The following PDCD10 variants were observed in gnomAD, a reference collection of about 807,000 sequenced individuals.
The protein encoded by PDCD10 is programmed cell death 10.
A neutral mutation model predicts 29.2 loss-of-function variants in PDCD10; 4 were observed. The observed-to-expected ratio is 0.14, with a 90% CI of 0.07 to 0.31. The LOEUF (loss-of-function observed/expected upper bound fraction) is 0.31. Among genes scored for constraint, PDCD10 ranks in the 10% least tolerant of loss-of-function variants. The probability of loss-of-function intolerance (pLI) is 1.00; values close to 1 mark genes in which losing one functional copy is unlikely to be tolerated. For synonymous variants in PDCD10, 70 were observed against 82.2 expected, an observed-to-expected ratio of 0.85 and a Z score of 0.80; for missense variants, 183 against 257.9, an observed-to-expected ratio of 0.71 and a Z score of 1.99.
At chr3:167,687,839 G>T (rs984714966) in intron 6 of PDCD10, 146 bp from the exon 7 acceptor site, 1 of 643,730 alleles carries the variant, frequency 1.6e-6, no homozygotes, top group African/African-American at 1.8e-5. Flanking sequence ...ATCACTTCAA[G>T]AACAGCCAGC....
intron 2 of PDCD10, among the ~76,000 whole-genome samples, chr3:167,727,388 T>G (rs1724304804): frequency 6.6e-6 from 1 of 152,212 alleles, no homozygotes; most frequent in Non-Finnish European, 1.5e-5. Context: ...GTCTAAATTT[T>G]TGGTAAATTC....
At chr3:167,729,463 T>C (rs1229904867) in intron 2 of PDCD10, among the ~76,000 whole-genome samples, 1 of 152,154 alleles carries the variant, frequency 6.6e-6, no homozygotes, top group East Asian at 1.9e-4. Flanking sequence ...AAAAACATGG[T>C]CTCTTGAGTC....
intron 3 of PDCD10, among the ~76,000 whole-genome samples, chr3:167,719,168 G>A (rs1445601121): frequency 6.6e-6 from 1 of 152,076 alleles, no homozygotes; most frequent in Non-Finnish European, 1.5e-5. Flanking sequence ...AAAGAGAGAT[G>A]AAAATTCATT....
Position 167,734,874 on chromosome 3 carries a change from G to C in PDCD10, c.-466C>G, listed in dbSNP as rs1725260770. ...TTCAACTCCCGGATCAATTCACTCCGGCGACGCCGGAAGGACCCAAGAGGA... is the reference window on the plus strand; with the variant it reads ...TTCAACTCCCGGATCAATTCACTCCCGCGACGCCGGAAGGACCCAAGAGGA... On this transcript the variant is annotated 5_prime_UTR_variant, in exon 1 of 9. Coordinates refer to ENST00000392750, the MANE Select transcript of PDCD10 (RefSeq NM_007217.4). The C allele has an allele frequency of 6.5e-6, 1 of 153,290 alleles. No homozygotes were observed. Among genetic ancestry groups the C allele is most frequent in the South Asian group, 2.1e-4 (1 of 4,836 alleles). 9.5% of individuals were successfully genotyped at this position (153,290 alleles called of 1,614,324 possible). A position where few individuals can be genotyped will look rare whatever the true frequency, so the allele number is the denominator to read the frequency against.
chr3:167,722,164 G>GGT (rs1159728089), intron 2 of PDCD10, among the ~76,000 whole-genome samples: 2 of 151,876 alleles, frequency 1.3e-5, no homozygotes, highest in African/African-American at 4.8e-5. Flanking sequence ...CAGAAGGCAT[G>GGT]GTATCATCAA....
At chr3:167,723,151 G>A (rs559450638) in intron 2 of PDCD10, among the ~76,000 whole-genome samples, 8 of 152,114 alleles carry the variant, frequency 5.3e-5, no homozygotes, top group East Asian at 1.9e-4. Flanking sequence ...ATTCCAATAC[G>A]GCTTTTAAAA....
At chr3:167,684,546 C>T (rs183170459) in intron 8 of PDCD10, among the ~76,000 whole-genome samples, 157 bp from the exon 9 acceptor site, 4 of 151,318 alleles carry the variant, frequency 2.6e-5, no homozygotes, top group Admixed American at 2.6e-4. Context: ...ATATAATAGT[C>T]TTGCATCATT....
intron 6 of PDCD10, among the ~76,000 whole-genome samples, chr3:167,688,805 T>A (rs373747879): frequency 1.3e-5 from 2 of 152,134 alleles, no homozygotes; most frequent in East Asian, 3.8e-4. Context: ...AATGCCAGAT[T>A]TCAGTTATTT....
At chr3:167,701,306 A>G (rs1006468833) in intron 4 of PDCD10, among the ~76,000 whole-genome samples, 2 of 152,186 alleles carry the variant, frequency 1.3e-5, no homozygotes, top group African/African-American at 4.8e-5. Context: ...ATATTGAGAT[A>G]TCAGATATAT....
intron 3 of PDCD10, among the ~76,000 whole-genome samples, chr3:167,712,738 T>C (rs1235593070): frequency 6.6e-6 from 1 of 151,842 alleles, no homozygotes; most frequent in African/African-American, 2.4e-5. Flanking sequence ...TAAAGACATC[T>C]GAACTCAAAA....
chr3:167,689,207 T>C (rs1420134304), intron 6 of PDCD10, among the ~76,000 whole-genome samples: 2 of 152,160 alleles, frequency 1.3e-5, no homozygotes. Flanking sequence ...ATGGCTTAAG[T>C]TGAATCTTTG....
chr3:167,731,207 C>T (rs937301393), intron 2 of PDCD10, among the ~76,000 whole-genome samples: 3 of 152,046 alleles, frequency 2.0e-5, no homozygotes, highest in Non-Finnish European at 2.9e-5. Flanking sequence ...TAGGGCAAAA[C>T]GAGACAACAT....
chr3:167,726,804 G>A (rs985083882), intron 2 of PDCD10, among the ~76,000 whole-genome samples: 19 of 148,150 alleles, frequency 1.3e-4, no homozygotes, highest in East Asian at 9.7e-4. Flanking sequence ...GACTGAGAGA[G>A]TTAGTGCTTC....
intron 3 of PDCD10, 93 bp downstream of exon 3, chr3:167,719,969 G>T: frequency 2.2e-6 from 2 of 908,632 alleles, no homozygotes; most frequent in Non-Finnish European, 3.7e-6. Context: ...ATTCATGCTA[G>T]TATTTGTTAT....
chr3:167,690,355 G>A (rs1720091296), intron 6 of PDCD10, among the ~76,000 whole-genome samples: 1 of 152,164 alleles, frequency 6.6e-6, no homozygotes, highest in South Asian at 2.1e-4. Flanking sequence ...TGTGCTTTAT[G>A]TTGAGTTTGG....
intron 4 of PDCD10, among the ~76,000 whole-genome samples, chr3:167,697,635 A>G (rs1370919859): frequency 6.6e-6 from 1 of 152,208 alleles, no homozygotes; most frequent in Non-Finnish European, 1.5e-5. Context: ...CCTATATAAT[A>G]ATACCTTAAC....
At chr3:167,732,021 T>G (rs897592732) in intron 2 of PDCD10, among the ~76,000 whole-genome samples, 1 of 152,164 alleles carries the variant, frequency 6.6e-6, no homozygotes, top group African/African-American at 2.4e-5. Flanking sequence ...AGGCTGGAGA[T>G]AAGGACGGAG....
rs1725256936 is a variant in PDCD10, at chr3:167,734,858, CG to C, written c.-451del. 6.5e-6 allele frequency: 1 copy of C among 153,672 alleles called. No homozygotes were observed. Among genetic ancestry groups the C allele is most frequent in the East Asian group, 1.9e-4 (1 of 5,200 alleles). The allele number at this position is 153,672 out of a possible 1,614,324, so 9.5% of individuals were successfully genotyped here. On this transcript the variant is annotated 5_prime_UTR_variant, in exon 1 of 9. Transcript: ENST00000392750. ...CCACCTTGCAGCCCTCTTCAACTCC[CG>C]GATCAATTCACTCCGGCGACGCCGG...
chr3:167,707,109 T>C (rs1722050010), intron 3 of PDCD10, among the ~76,000 whole-genome samples: 1 of 152,178 alleles, frequency 6.6e-6, no homozygotes, highest in African/African-American at 2.4e-5. Flanking sequence ...AGCAGCTATA[T>C]GAAAAGTGGA....
Sources: gnomAD v4.1 joint callset for allele counts (sites outside exome capture counted in the v4.1 genomes callset) on GRCh38, gnomAD v4.1.1 for gene constraint, MANE v1.5 for transcripts, NCBI Gene and HGNC (gene_info 2026-07-23, HGNC 2026-07-21) for gene names.